Variants in THADA observed in about 807,000 individuals in gnomAD.
The protein encoded by THADA is tRNA (32-2'-O)-methyltransferase regulator THADA.
THADA carries 213 observed loss-of-function variants against 219.8 expected under a neutral mutation model. The ratio of observed to expected loss-of-function variants is 0.97; its 90% CI spans 0.87 to 1.09. The LOEUF is 1.09. THADA is among the 50% of genes least tolerant of loss of function. THADA has a pLI of 0.00. For missense variants in THADA, 2,956 were observed against 2,311.3 expected, an observed-to-expected ratio of 1.28 and a Z score of -5.72; for synonymous variants, 1,018 against 828.9, an observed-to-expected ratio of 1.23 and a Z score of -3.92.
At chr2:43,429,922 A>T (rs921628573) in intron 27 of THADA, among the ~76,000 whole-genome samples, 1 of 152,094 alleles carries the variant, frequency 6.6e-6, no homozygotes, top group Non-Finnish European at 1.5e-5. Flanking sequence ...TAATCCCCAC[A>T]CTTTGGGAGG....
At chr2:43,541,115 C>T (rs371506523) in intron 21 of THADA, 44 bp downstream of exon 21, 28 of 1,445,160 alleles carry the variant, frequency 1.9e-5, no homozygotes, top group African/African-American at 7.4e-5. Context: ...GTGATTTATG[C>T]GTTGACCAGA....
chr2:43,263,145 C>T (rs1021459473), intron 36 of THADA, among the ~76,000 whole-genome samples: 1 of 152,162 alleles, frequency 6.6e-6, no homozygotes, highest in Non-Finnish European at 1.5e-5. Context: ...AAATGTGTCA[C>T]GGCACTTCCT....
At chr2:43,589,177 G>C (rs1417704637) in intron 4 of THADA, among the ~76,000 whole-genome samples, 4 of 152,090 alleles carry the variant, frequency 2.6e-5, no homozygotes, top group Non-Finnish European at 5.9e-5. Flanking sequence ...GCACACCCAT[G>C]TTCATAGCAG....
chr2:43,434,489 A>C (rs1679814500), intron 26 of THADA, among the ~76,000 whole-genome samples: 1 of 152,108 alleles, frequency 6.6e-6, no homozygotes, highest in Non-Finnish European at 1.5e-5. Flanking sequence ...AAAATCCCCC[A>C]AGACCCTAGC....
intron 21 of THADA, among the ~76,000 whole-genome samples, chr2:43,537,866 G>A (rs1558932008): frequency 2.0e-5 from 3 of 151,516 alleles, no homozygotes; most frequent in Admixed American, 2.0e-4. Context: ...CTTAAGCCCA[G>A]GAGGTTGAGG....
chr2:43,461,564 G>A (rs1331364267), intron 26 of THADA, among the ~76,000 whole-genome samples: 1 of 152,164 alleles, frequency 6.6e-6, no homozygotes, highest in Non-Finnish European at 1.5e-5. Context: ...GATGGTCTGG[G>A]TTAATAGAGT....
At chr2:43,395,035 G>A (rs1465947532) in intron 29 of THADA, among the ~76,000 whole-genome samples, 4 of 152,188 alleles carry the variant, frequency 2.6e-5, no homozygotes, top group Admixed American at 2.6e-4. Flanking sequence ...AAAAGACCAT[G>A]TTTTGTTGCT....
chr2:43,270,029 C>G (rs1013663742), intron 36 of THADA, among the ~76,000 whole-genome samples: 1 of 152,166 alleles, frequency 6.6e-6, no homozygotes, highest in African/African-American at 2.4e-5. Context: ...GCCCTTACCC[C>G]ACACCACCCC....
Position 43,268,872 on chromosome 2 carries a change from C to T in THADA, c.5296+10893G>A, listed in dbSNP as rs1043324629. ...CTGGGGTGCTCAGGAGGGATGCTCCCAATAGAGTCAGGCCTGAAGCTGGGG... is the reference window on the plus strand; with the variant it reads ...CTGGGGTGCTCAGGAGGGATGCTCCTAATAGAGTCAGGCCTGAAGCTGGGG... On this transcript the variant is annotated intron_variant, in intron 36 of 37. Coordinates refer to ENST00000405975, the MANE Select transcript of THADA (RefSeq NM_022065.5). Among the ~76,000 whole-genome samples the T allele has an allele frequency of 3.9e-5, 6 of 152,158 alleles. No homozygotes were observed. The East Asian group carries it at 1.2e-3, about 29-fold the overall frequency.
At position 43,369,936 on chromosome 2, in the gene THADA, G is replaced by T. The variant is rs140559260; in HGVS notation, c.4228-25699C>A. 4.0e-3 allele frequency among the ~76,000 whole-genome samples: 616 copies of T among 152,244 alleles called. 7 individuals are homozygous for T. The highest frequency in any genetic ancestry group is 0.014 in the African/African-American group (571 of 41,540). On this transcript the variant is annotated intron_variant, in intron 29 of 37. Transcript: ENST00000405975. ...TTGTACTCCAATGTTTCTACTTCAG[G>T]TTTGTTGGTTGTGTCTCCCCAACCA...
intron 29 of THADA, among the ~76,000 whole-genome samples, chr2:43,360,635 A>G (rs1168096788): frequency 6.6e-6 from 1 of 152,214 alleles, no homozygotes; most frequent in East Asian, 1.9e-4. Context: ...GGAACTGTTA[A>G]GTTTATTTGT....
At chr2:43,351,345 T>C (rs1269379364) in intron 29 of THADA, among the ~76,000 whole-genome samples, 2 of 152,164 alleles carry the variant, frequency 1.3e-5, no homozygotes, top group African/African-American at 2.4e-5. Flanking sequence ...CAATTTCCCA[T>C]TCGTAACAAC....
At chr2:43,358,177 G>A (rs1224280955) in intron 29 of THADA, among the ~76,000 whole-genome samples, 2 of 152,078 alleles carry the variant, frequency 1.3e-5, no homozygotes, top group African/African-American at 4.8e-5. Flanking sequence ...CAAGATACAG[G>A]ACTGTCCTAT....
chr2:43,278,740 G>A (rs953602010), intron 36 of THADA, among the ~76,000 whole-genome samples: 26 of 152,314 alleles, frequency 1.7e-4, no homozygotes, highest in African/African-American at 6.0e-4. Flanking sequence ...GATCCTGGAA[G>A]GTTCACACAT....
intron 17 of THADA, 31 bp from the exon 18 acceptor site, chr2:43,552,370 T>C (rs1696851363): frequency 4.4e-6 from 7 of 1,574,628 alleles, no homozygotes; most frequent in Non-Finnish European, 6.0e-6. Context: ...ATCAAAGTAA[T>C]GTCAATCTTA....
chr2:43,371,508 C>A (rs1234944122), intron 29 of THADA, among the ~76,000 whole-genome samples: 1 of 151,996 alleles, frequency 6.6e-6, no homozygotes, highest in East Asian at 1.9e-4. Flanking sequence ...TGAACTTTCA[C>A]AAGTAAATTG....
intron 29 of THADA, among the ~76,000 whole-genome samples, chr2:43,363,756 G>C (rs1669788418): frequency 6.6e-6 from 1 of 152,162 alleles, no homozygotes; most frequent in Admixed American, 6.5e-5. Context: ...CAGTTCCTGA[G>C]GATGAGAAAG....
intron 29 of THADA, among the ~76,000 whole-genome samples, chr2:43,356,059 C>G (rs1356514646): frequency 6.6e-6 from 1 of 152,044 alleles, no homozygotes; most frequent in Non-Finnish European, 1.5e-5. Context: ...AAATTTAAGA[C>G]AGAAAACGGT....
chr2:43,396,084 T>C (rs1212202465), intron 29 of THADA, among the ~76,000 whole-genome samples: 2 of 152,156 alleles, frequency 1.3e-5, no homozygotes, highest in Non-Finnish European at 2.9e-5. Flanking sequence ...TAACTGAATA[T>C]TGATAGACAA....
Sources: gnomAD v4.1 joint callset for allele counts (sites outside exome capture counted in the v4.1 genomes callset) on GRCh38, gnomAD v4.1.1 for gene constraint, MANE v1.5 for transcripts, NCBI Gene and HGNC (gene_info 2026-07-23, HGNC 2026-07-21) for gene names.